Variants in CTBP1 observed in about 807,000 individuals in gnomAD.
CTBP1 encodes the protein C-terminal binding protein 1.
CTBP1 carries 11 observed loss-of-function variants against 42.1 expected under a neutral mutation model. The ratio of observed to expected loss-of-function variants is 0.26; its 90% CI spans 0.16 to 0.43. The LOEUF is 0.43. CTBP1 is among the 20% of genes least tolerant of loss of function. CTBP1 has a pLI of 1.00. For synonymous variants in CTBP1, 324 were observed against 277.1 expected (o/e 1.17, Z -1.68); for missense variants, 399 against 624.3 (o/e 0.64, Z 3.85).
Position 1,247,840 on chromosome 4 carries a change from C to T in CTBP1, c.-189+1076G>A, listed in dbSNP as rs554458774. On this transcript the variant is annotated intron_variant, in intron 1 of 9. Transcript: ENST00000382952. ...TCGGCCCTAGCTCCAGGCCCTCTTG[C>T]CCCAACTCTCAGGGTTTCACCTCCC... Among the ~76,000 whole-genome samples the T allele has an allele frequency of 7.2e-4, 110 of 152,310 alleles. 1 individual carries two copies. Among genetic ancestry groups the T allele is most frequent in the Middle Eastern group, 3.4e-3 (1 of 294 alleles).
chr4:1,248,862 C>G (rs2108816449), intron 1 of CTBP1, 54 bp downstream of exon 1: 1 of 880,504 alleles, frequency 1.1e-6, no homozygotes, highest in Non-Finnish European at 1.4e-6. Context: ...CGCGCGGCAC[C>G]CGCCCCGCCC....
At chr4:1,224,730 G>A (rs1272974203) in intron 5 of CTBP1, among the ~76,000 whole-genome samples, 1 of 151,626 alleles carries the variant, frequency 6.6e-6, no homozygotes, top group Non-Finnish European at 1.5e-5. Flanking sequence ...GTGAGGCTGT[G>A]TGCTGTGACA....
At position 1,228,804 on chromosome 4, in the gene CTBP1, G is replaced by A. The variant is rs1021416143; in HGVS notation, c.163-461C>T. On this transcript the variant is annotated intron_variant, in intron 3 of 9. Coordinates refer to ENST00000382952, the MANE Select transcript of CTBP1 (RefSeq NM_001012614.2). ...CAGGGAACCTGAGACCTGCAGGCCC[G>A]GGGATGCAGGTAGAAAGTGGTAAGT... Among the ~76,000 whole-genome samples the A allele has an allele frequency of 6.6e-5, 10 of 152,164 alleles. No individual in the cohort carries two copies. In the East Asian group the frequency reaches 7.7e-4, roughly 12 times the overall value.
intron 1 of CTBP1, chr4:1,245,239 A>G (rs1020616100): frequency 3.0e-5 from 30 of 985,346 alleles, no homozygotes; most frequent in Admixed American, 1.2e-4. Context: ...CTCAGAGGAC[A>G]CAGCGCAGGG....
chr4:1,244,702 C>T, intron 1 of CTBP1: 1 of 985,420 alleles, frequency 1.0e-6, no homozygotes, highest in Non-Finnish European at 1.2e-6. Context: ...CGGCCCTCAC[C>T]CTGCCCTGTC....
intron 5 of CTBP1, chr4:1,217,981 G>A (rs994924470): frequency 2.6e-5 from 4 of 152,186 alleles, no homozygotes; most frequent in African/African-American, 4.8e-5. Flanking sequence ...ATTCCAGAAC[G>A]AAAACATCCC....
Position 1,241,757 on chromosome 4 carries a change from GC to G in CTBP1, c.-188-239del, listed in dbSNP as rs945099187. The G allele has an allele frequency of 7.5e-6, 9 of 1,193,210 alleles. No homozygotes were observed. The African/African-American group carries it at 1.4e-4, about 19-fold the overall frequency. The allele number at this position is 1,193,210 out of a possible 1,614,324, so 73.9% of individuals were successfully genotyped here. The stretch of plus-strand genomic sequence containing the variant: ...CCAGGCCCGAGGCCGCGCCCCTGTG[GC>G]CCCGAGGCCTACTCCTGGGAACAGT... On this transcript the variant is annotated intron_variant, in intron 1 of 9. Transcript: ENST00000382952.
chr4:1,212,514 C>G, intron 9 of CTBP1, 91 bp from the exon 10 acceptor site: 1 of 1,157,678 alleles, frequency 8.6e-7, no homozygotes, highest in Non-Finnish European at 1.2e-6. Context: ...ACCGAGGGGG[C>G]CTCTCCAGGA....
At chr4:1,227,503 C>T (rs1225519711) in intron 4 of CTBP1, among the ~76,000 whole-genome samples, 1 of 146,552 alleles carries the variant, frequency 6.8e-6, no homozygotes, top group African/African-American at 2.6e-5. Context: ...TGCACGGGTG[C>T]AGATGAGTGT....
At chr4:1,221,823 T>C (rs1190518022) in intron 5 of CTBP1, 1 of 447,106 alleles carries the variant, frequency 2.2e-6, no homozygotes, top group South Asian at 1.6e-5. Flanking sequence ...ATGTGTACAA[T>C]GTTTTCCTGT....
chr4:1,224,567 T>G (rs1421929534), intron 5 of CTBP1, among the ~76,000 whole-genome samples: 3 of 151,998 alleles, frequency 2.0e-5, no homozygotes, highest in Non-Finnish European at 2.9e-5. Context: ...GTGTGTGCTG[T>G]GACATCCGTG....
chr4:1,245,108 A>C, intron 1 of CTBP1: 3 of 984,342 alleles, frequency 3.0e-6, no homozygotes, highest in Non-Finnish European at 3.6e-6. Flanking sequence ...TCCTCCGACG[A>C]CAGCACCCCA....
intron 5 of CTBP1, chr4:1,221,956 GC>G: frequency 6.1e-6 from 2 of 327,040 alleles, no homozygotes; most frequent in Non-Finnish European, 1.2e-5. Context: ...GGAAGCGGCC[GC>G]CCCCTAGTCT....
At chr4:1,248,578 G>T in intron 1 of CTBP1, 2 of 660,562 alleles carry the variant, frequency 3.0e-6, no homozygotes, top group Non-Finnish European at 3.7e-6. Context: ...CCGGGGTGCC[G>T]TCCCGGGTCC....
chr4:1,226,950 GA>G (rs1257316922), intron 4 of CTBP1, among the ~76,000 whole-genome samples: 1 of 152,076 alleles, frequency 6.6e-6, no homozygotes, highest in African/African-American at 2.4e-5. Flanking sequence ...TGTATCCTAG[GA>G]AAAGGGAAGC....
At chr4:1,222,240 G>C (rs1006815413) in intron 5 of CTBP1, among the ~76,000 whole-genome samples, 1 of 152,084 alleles carries the variant, frequency 6.6e-6, no homozygotes, top group Non-Finnish European at 1.5e-5. Context: ...GTGTTCTGCA[G>C]TCAAGGGTGC....
chr4:1,244,106 G>C (rs1477317750), intron 1 of CTBP1: 1 of 985,226 alleles, frequency 1.0e-6, no homozygotes, highest in Non-Finnish European at 1.2e-6. Flanking sequence ...GGGCTGCACG[G>C]TGGCGGCCCG....
rs1428986786 is a variant in CTBP1, at chr4:1,233,836, C to T, written c.162+4347G>A. Among the ~76,000 whole-genome samples, 4 of 152,230 alleles carry T rather than the reference C, an allele frequency of 2.6e-5. No individual in the cohort carries two copies. Among genetic ancestry groups the T allele is most frequent in the African/African-American group, 9.6e-5 (4 of 41,456 alleles). On this transcript the variant is annotated intron_variant, in intron 3 of 9. Coordinates refer to ENST00000382952, the MANE Select transcript of CTBP1 (RefSeq NM_001012614.2). This position sits in a 1 kb window ranked among gnomAD's most constrained non-coding sequence, Gnocchi z 4.6. Reference sequence around the variant, plus strand: ...TGCGGGAAGTTTCTGCCCCAGGAGGCAGAATTCCTGACTAACAGTGGCACA... The same window carrying T: ...TGCGGGAAGTTTCTGCCCCAGGAGGTAGAATTCCTGACTAACAGTGGCACA...
chr4:1,238,033 A>T lies in CTBP1; in HGVS notation c.162+150T>A, dbSNP rs760578702. Reference sequence around the variant, plus strand: ...GGTGTCCAGGGAAAACCCCGTGTCCACCTCCTGACGGCGCGGGACGACTGG... The same window carrying T: ...GGTGTCCAGGGAAAACCCCGTGTCCTCCTCCTGACGGCGCGGGACGACTGG... On this transcript the variant is annotated intron_variant, in intron 3 of 9. Transcript: ENST00000382952. This position sits in a 1 kb window ranked among gnomAD's most constrained non-coding sequence, Gnocchi z 5.9. The T allele has an allele frequency of 1.9e-6, 2 of 1,042,088 alleles. No homozygotes were observed. The highest frequency in any genetic ancestry group is 3.0e-6 in the Non-Finnish European group (2 of 676,418). 64.6% of individuals were successfully genotyped at this position (1,042,088 alleles called of 1,614,324 possible).
Sources: gnomAD v4.1 joint callset for allele counts (sites outside exome capture counted in the v4.1 genomes callset) on GRCh38, gnomAD v4.1.1 for gene constraint, Gnocchi (gnomAD v3.1) non-coding constraint, MANE v1.5 for transcripts, NCBI Gene and HGNC (gene_info 2026-07-23, HGNC 2026-07-21) for gene names.